ARID1B: variants seen among roughly 807,000 people sequenced by gnomAD.
ARID1B encodes the protein AT-rich interactive domain-containing protein 1B.
A neutral mutation model predicts 212.3 loss-of-function variants in ARID1B; 30 were observed. That is an observed-to-expected ratio of 0.14 (90% confidence interval 0.11 to 0.19). ARID1B has a LOEUF of 0.19. ARID1B is among the 10% of genes least tolerant of loss of function. The pLI, the probability that ARID1B is intolerant of heterozygous loss-of-function variation, is 1.00. For synonymous variants in ARID1B, 1,402 were observed against 1,301.7 expected, an observed-to-expected ratio of 1.08 and a Z score of -1.66; for missense variants, 2,891 against 3,204.0, an observed-to-expected ratio of 0.90 and a Z score of 2.36.
chr6:156,871,520 A>G, intron 2 of ARID1B: 3 of 1,115,154 alleles, frequency 2.7e-6, no homozygotes, highest in East Asian at 2.5e-5. Context: ...AAGTTGCTCA[A>G]GGTCACCTAA....
chr6:156,871,587 C>T, intron 2 of ARID1B: 1 of 1,603,512 alleles, frequency 6.2e-7, no homozygotes, highest in Non-Finnish European at 8.5e-7. Context: ...ACTGTTGCTC[C>T]TAATTACTGT....
At chr6:157,178,146 G>T (rs1480269030) in intron 11 of ARID1B, among the ~76,000 whole-genome samples, 1 of 152,154 alleles carries the variant, frequency 6.6e-6, no homozygotes, top group Non-Finnish European at 1.5e-5. Context: ...ACTAGACTGT[G>T]CCCACGTTCA....
At chr6:157,128,711 A>G (rs1318141362) in intron 6 of ARID1B, among the ~76,000 whole-genome samples, 2 of 152,252 alleles carry the variant, frequency 1.3e-5, no homozygotes, top group African/African-American at 4.8e-5. Context: ...TTCAAGAGAG[A>G]GAGCGTGACC....
chr6:157,059,392 T>A (rs1436636024), intron 4 of ARID1B, among the ~76,000 whole-genome samples: 1 of 152,236 alleles, frequency 6.6e-6, no homozygotes, highest in Non-Finnish European at 1.5e-5. Flanking sequence ...GTGTTTTCCT[T>A]TCTTACCTGA....
chr6:156,958,814 A>G (rs574679446), intron 4 of ARID1B, among the ~76,000 whole-genome samples: 9 of 152,354 alleles, frequency 5.9e-5, no homozygotes, highest in African/African-American at 1.9e-4. Context: ...CAGTTAATGA[A>G]GCAAAGCAAA....
intron 9 of ARID1B, chr6:157,168,173 A>G (rs1215170668): frequency 6.6e-6 from 1 of 152,218 alleles, no homozygotes; most frequent in African/African-American, 2.4e-5. Flanking sequence ...TGTCCGGCGG[A>G]ACAGCCAGTG....
chr6:157,064,797 C>T (rs1022745997), intron 4 of ARID1B, among the ~76,000 whole-genome samples: 1 of 152,222 alleles, frequency 6.6e-6, no homozygotes, highest in Non-Finnish European at 1.5e-5. Flanking sequence ...ACCCCAGCCA[C>T]AACCTTGGCC....
At chr6:156,883,519 C>A (rs1787264151) in intron 2 of ARID1B, among the ~76,000 whole-genome samples, 1 of 152,124 alleles carries the variant, frequency 6.6e-6, no homozygotes, top group African/African-American at 2.4e-5. Flanking sequence ...AGCTTTACTT[C>A]CTTCTCCTCT....
intron 2 of ARID1B, among the ~76,000 whole-genome samples, chr6:156,864,989 C>T (rs528413402): frequency 2.8e-4 from 43 of 152,250 alleles, no homozygotes; most frequent in South Asian, 2.3e-3. Flanking sequence ...GAATCTCAAT[C>T]GGTTATAACT....
intron 2 of ARID1B, among the ~76,000 whole-genome samples, chr6:156,848,443 A>G (rs1784367878): frequency 6.6e-6 from 1 of 152,238 alleles, no homozygotes; most frequent in African/African-American, 2.4e-5. Flanking sequence ...AACTCTACAT[A>G]TGGTCTTTCA....
chr6:156,790,982 T>C (rs1779972888), intron 1 of ARID1B, among the ~76,000 whole-genome samples: 1 of 152,258 alleles, frequency 6.6e-6, no homozygotes, highest in Non-Finnish European at 1.5e-5. Context: ...TGCTATATTA[T>C]TAGTGAGAAA....
intron 1 of ARID1B, among the ~76,000 whole-genome samples, chr6:156,796,473 T>C (rs1300406620): frequency 6.6e-6 from 1 of 151,630 alleles, no homozygotes; most frequent in African/African-American, 2.4e-5. Flanking sequence ...TTTAAATCTC[T>C]GTCATTATGA....
At position 156,868,166 on chromosome 6, in the gene ARID1B, A is replaced by G. The variant is rs150119207; in HGVS notation, c.1987-33210A>G. Among the ~76,000 whole-genome samples the G allele has an allele frequency of 5.6e-3, 846 of 152,260 alleles. 3 individuals are homozygous for G. Among genetic ancestry groups the G allele is most frequent in the Admixed American group, 8.6e-3 (131 of 15,292 alleles). On this transcript the variant is annotated intron_variant, in intron 2 of 19. Coordinates refer to ENST00000636930, the MANE Select transcript of ARID1B (RefSeq NM_001374828.1). ...TGGATCAGTTTTCCACGTGGTCTTT[A>G]TTTTGTATTTGTTGAACTATTTAGG...
chr6:156,916,379 T>C (rs549762890), intron 3 of ARID1B, among the ~76,000 whole-genome samples: 291 of 152,268 alleles, frequency 1.9e-3, no homozygotes, highest in African/African-American at 5.8e-3. Flanking sequence ...ACATCAGAGG[T>C]TCACACTGTG....
At chr6:156,969,493 A>C (rs1008254340) in intron 4 of ARID1B, among the ~76,000 whole-genome samples, 1 of 152,218 alleles carries the variant, frequency 6.6e-6, no homozygotes, top group Non-Finnish European at 1.5e-5. Context: ...CTCACTGTTT[A>C]AGCTACTGAA....
chr6:156,851,214 G>T (rs1287829926), intron 2 of ARID1B, among the ~76,000 whole-genome samples: 1 of 152,084 alleles, frequency 6.6e-6, no homozygotes, highest in Non-Finnish European at 1.5e-5. Flanking sequence ...AAGCACTAGG[G>T]GCTGCTTCTA....
At chr6:156,887,780 A>T (rs1787629051) in intron 2 of ARID1B, among the ~76,000 whole-genome samples, 1 of 152,128 alleles carries the variant, frequency 6.6e-6, no homozygotes, top group Non-Finnish European at 1.5e-5. Context: ...AAGAAGAAAC[A>T]ATTTCAAAGG....
intron 6 of ARID1B, among the ~76,000 whole-genome samples, chr6:157,115,513 G>A (rs182978694): frequency 1.9e-4 from 29 of 152,266 alleles, no homozygotes; most frequent in Admixed American, 1.6e-3. Flanking sequence ...TGTGAGCTCC[G>A]CCTTCCGGGT....
intron 4 of ARID1B, among the ~76,000 whole-genome samples, chr6:157,050,188 A>G (rs1452275206): frequency 6.6e-6 from 1 of 152,154 alleles, no homozygotes; most frequent in Non-Finnish European, 1.5e-5. Context: ...TTTGTATATC[A>G]TCAATGAAAC....
Sources: allele counts gnomAD v4.1 joint callset (sites outside exome capture counted in the v4.1 genomes callset), GRCh38; gene constraint gnomAD v4.1.1; transcripts MANE v1.5; gene names NCBI Gene and HGNC (gene_info 2026-07-23, HGNC 2026-07-21).